The following MAPK10 variants were observed in gnomAD, a reference collection of about 807,000 sequenced individuals.
MAPK10 encodes the protein JNK3 alpha protein kinase.
In MAPK10, 25 loss-of-function variants were observed where a neutral mutation model predicts 59.3. The observed-to-expected ratio is 0.42, with a 90% confidence interval of 0.31 to 0.59. MAPK10 has a LOEUF of 0.59. Ranked by LOEUF, MAPK10 falls within the 20% of genes least tolerant of loss-of-function variation. The pLI is 0.15. For synonymous variants in MAPK10, 190 were observed against 200.5 expected, an observed-to-expected ratio of 0.95 and a Z score of 0.44; for missense variants, 351 against 568.9, an observed-to-expected ratio of 0.62 and a Z score of 3.90.
chr4:86,019,192 T>A (rs1744997617), intron 13 of MAPK10, among the ~76,000 whole-genome samples: 1 of 152,208 alleles, frequency 6.6e-6, no homozygotes, highest in African/African-American at 2.4e-5. Context: ...ACTTTTCATA[T>A]ATTTCTTCCC....
intron 2 of MAPK10, among the ~76,000 whole-genome samples, chr4:86,277,772 A>G (rs2094636467): frequency 6.6e-6 from 1 of 152,158 alleles, no homozygotes; most frequent in Non-Finnish European, 1.5e-5. Flanking sequence ...TTATTTTCCT[A>G]CCTTTAGCCA....
intron 1 of MAPK10, among the ~76,000 whole-genome samples, chr4:86,403,658 C>G (rs1014325577): frequency 6.6e-6 from 1 of 152,106 alleles, no homozygotes; most frequent in African/African-American, 2.4e-5. Context: ...AAAGGGGGAG[C>G]AAGGATCTTC....
chr4:86,159,550 A>G (rs1286223410), intron 3 of MAPK10, 83 bp from the exon 4 acceptor site: 2 of 1,128,384 alleles, frequency 1.8e-6, no homozygotes, highest in African/African-American at 1.6e-5. Flanking sequence ...TGTTCTTTTA[A>G]TGATTACTGA....
chr4:86,583,696 C>T (rs1762465929), intron 1 of MAPK10, among the ~76,000 whole-genome samples: 1 of 152,270 alleles, frequency 6.6e-6, no homozygotes, highest in South Asian at 2.1e-4. Flanking sequence ...GAGAAAATAA[C>T]CCTTTCTGTT....
chr4:86,558,153 G>T (rs1760408386), intron 1 of MAPK10, among the ~76,000 whole-genome samples: 1 of 151,986 alleles, frequency 6.6e-6, no homozygotes, highest in Non-Finnish European at 1.5e-5. Flanking sequence ...TCAAATTAGT[G>T]TTCTCTTCTA....
At chr4:86,185,488 TG>T (rs1203368538) in intron 3 of MAPK10, among the ~76,000 whole-genome samples, 1 of 152,166 alleles carries the variant, frequency 6.6e-6, no homozygotes, top group Non-Finnish European at 1.5e-5. Context: ...TAATTTTTGC[TG>T]AGTGAGATAG....
intron 1 of MAPK10, among the ~76,000 whole-genome samples, chr4:86,428,599 G>A (rs755826961): frequency 7.9e-5 from 12 of 152,208 alleles, no homozygotes; most frequent in Non-Finnish European, 1.3e-4. Flanking sequence ...CAGATAGATA[G>A]ACAACTTTTC....
intron 2 of MAPK10, among the ~76,000 whole-genome samples, chr4:86,234,566 GTCTTA>G (rs1412860523): frequency 6.6e-6 from 1 of 151,888 alleles, no homozygotes; most frequent in African/African-American, 2.4e-5. Context: ...TAAAATAAAT[GTCTTA>G]TCTTCTGACA....
At chr4:86,576,545 C>A (rs374477140) in intron 1 of MAPK10, among the ~76,000 whole-genome samples, 1 of 150,406 alleles carries the variant, frequency 6.6e-6, no homozygotes, top group African/African-American at 2.4e-5. Flanking sequence ...GAGGCCGAGA[C>A]GGGTGGATCA....
chr4:86,237,790 TG>T (rs1251778010), intron 2 of MAPK10, among the ~76,000 whole-genome samples: 1 of 152,144 alleles, frequency 6.6e-6, no homozygotes, highest in Non-Finnish European at 1.5e-5. Context: ...TCCCATTCTG[TG>T]GTTGCCTGTT....
intron 10 of MAPK10, chr4:86,065,094 T>G (rs1233614559): frequency 6.6e-6 from 1 of 151,844 alleles, no homozygotes. Flanking sequence ...TCTTTTTTTT[T>G]GTAAAGATAA....
chr4:86,109,271 C>T (rs1253661008), intron 4 of MAPK10, among the ~76,000 whole-genome samples: 1 of 152,144 alleles, frequency 6.6e-6, no homozygotes, highest in African/African-American at 2.4e-5. Context: ...GCAGAATGTG[C>T]AGGTTTGTTA....
intron 4 of MAPK10, among the ~76,000 whole-genome samples, chr4:86,137,622 C>G (rs369726001): frequency 0.027 from 3,169 of 117,458 alleles, 19 homozygotes; most frequent in African/African-American, 0.051. Context: ...ACAATTAAAA[C>G]AACTAGAAAA....
chr4:86,415,762 A>G (rs1046437267), intron 1 of MAPK10, among the ~76,000 whole-genome samples: 4 of 152,192 alleles, frequency 2.6e-5, no homozygotes, highest in African/African-American at 9.6e-5. Flanking sequence ...AATTCAAAAT[A>G]ATCTTGAAAA....
intron 4 of MAPK10, among the ~76,000 whole-genome samples, chr4:86,147,074 C>T (rs192330264): frequency 1.3e-5 from 2 of 151,786 alleles, no homozygotes; most frequent in African/African-American, 2.4e-5. Context: ...ATATATTTTT[C>T]TTTTTTTCTT....
intron 1 of MAPK10, among the ~76,000 whole-genome samples, chr4:86,583,366 G>C (rs557034389): frequency 5.5e-4 from 83 of 152,042 alleles, no homozygotes; most frequent in African/African-American, 1.9e-3. Context: ...ACCTTTTCTA[G>C]AAGCTAGAAA....
At chr4:86,115,118 A>G (rs1416306933) in intron 4 of MAPK10, among the ~76,000 whole-genome samples, 1 of 152,176 alleles carries the variant, frequency 6.6e-6, no homozygotes, top group Non-Finnish European at 1.5e-5. Flanking sequence ...GCCTGCTGCT[A>G]CTGGTTGCAA....
intron 11 of MAPK10, among the ~76,000 whole-genome samples, chr4:86,060,259 G>A (rs570554155): frequency 2.0e-5 from 3 of 152,184 alleles, no homozygotes; most frequent in South Asian, 2.1e-4. Context: ...GATGTACTTG[G>A]TTTTGGCTGA....
chr4:86,435,124 G>A (rs983775354), intron 1 of MAPK10, among the ~76,000 whole-genome samples: 2 of 152,114 alleles, frequency 1.3e-5, no homozygotes, highest in East Asian at 3.9e-4. Context: ...GCTTACCAGA[G>A]GCCAGGAAGG....
Sources: gnomAD v4.1 joint callset for allele counts (sites outside exome capture counted in the v4.1 genomes callset) on GRCh38, gnomAD v4.1.1 for gene constraint, MANE v1.5 for transcripts, NCBI Gene and HGNC (gene_info 2026-07-23, HGNC 2026-07-21) for gene names.